The following MCM9 variants were observed in gnomAD, a reference collection of about 807,000 sequenced individuals.
MCM9 encodes DNA helicase MCM9.
MCM9 carries 55 observed loss-of-function variants against 72.8 expected under a neutral mutation model. The observed-to-expected ratio is 0.76, with a 90% CI of 0.61 to 0.95. MCM9 has a LOEUF of 0.95. Ranked by LOEUF, MCM9 falls within the 40% of genes least tolerant of loss-of-function variation. The pLI is 0.00. For synonymous variants in MCM9, 480 were observed against 503.4 expected (o/e 0.95, Z 0.62); for missense variants, 1,279 against 1,377.0 (o/e 0.93, Z 1.13).
intron 9 of MCM9, among the ~76,000 whole-genome samples, chr6:118,832,786 C>A (rs141233140): frequency 6.6e-6 from 1 of 152,150 alleles, no homozygotes; most frequent in Non-Finnish European, 1.5e-5. Flanking sequence ...ACTCCCTTTA[C>A]GGGATGATCC....
chr6:118,907,529 A>G (rs747014984), intron 8 of MCM9: 4 of 1,613,704 alleles, frequency 2.5e-6, no homozygotes, highest in Non-Finnish European at 3.4e-6. Flanking sequence ...CTTTCAACAG[A>G]TGCATTACCT....
intron 13 of MCM9, among the ~76,000 whole-genome samples, chr6:118,821,091 T>A (rs555727444): frequency 1.3e-5 from 2 of 152,332 alleles, no homozygotes; most frequent in African/African-American, 4.8e-5. Flanking sequence ...TGCCAGTCTG[T>A]GTCTTTTAAT....
chr6:118,856,649 T>C, intron 8 of MCM9, 104 bp from the exon 9 acceptor site: 3 of 1,236,384 alleles, frequency 2.4e-6, no homozygotes, highest in Non-Finnish European at 3.3e-6. Flanking sequence ...GAGGCTGAGG[T>C]GAGAAGATTT....
At chr6:118,911,020 A>C (rs1400583188) in intron 8 of MCM9, 45 of 984,854 alleles carry the variant, frequency 4.6e-5, no homozygotes, top group Non-Finnish European at 5.3e-5. Flanking sequence ...AAACTGTAAA[A>C]ATACAAAATA....
chr6:118,873,661 G>C (rs1777755844), intron 8 of MCM9, among the ~76,000 whole-genome samples: 1 of 152,104 alleles, frequency 6.6e-6, no homozygotes, highest in Non-Finnish European at 1.5e-5. Context: ...CAAAACACCA[G>C]GACCAGATGG....
At chr6:118,858,676 C>T (rs1313844303) in intron 8 of MCM9, among the ~76,000 whole-genome samples, 2 of 152,038 alleles carry the variant, frequency 1.3e-5, no homozygotes, top group African/African-American at 4.8e-5. Flanking sequence ...GGACACAAGT[C>T]AACATATGGA....
At chr6:118,907,553 G>C (rs925727394) in intron 8 of MCM9, 3 of 1,613,550 alleles carry the variant, frequency 1.9e-6, no homozygotes, top group Non-Finnish European at 2.5e-6. Flanking sequence ...GCATCAAAGG[G>C]ATGGTCCACA....
chr6:118,860,856 T>C (rs774526276), intron 8 of MCM9, among the ~76,000 whole-genome samples: 2 of 152,214 alleles, frequency 1.3e-5, no homozygotes, highest in African/African-American at 4.8e-5. Flanking sequence ...TTGTGCACTT[T>C]ATTTCTATTA....
At position 118,817,554 on chromosome 6, in the gene MCM9, A is replaced by T. The variant is rs138245959; in HGVS notation, c.1962-1260T>A. 1.8e-3 allele frequency among the ~76,000 whole-genome samples: 277 copies of T among 152,112 alleles called. 1 individual carries two copies. The highest frequency in any genetic ancestry group is 0.01 in the South Asian group (50 of 4,820). Reference sequence around the variant, plus strand: ...AGTGTATCATTGATGGGCACTTGGGATGGTTCCCAGTCTTTGCTATTGTAA... The same window carrying T: ...AGTGTATCATTGATGGGCACTTGGGTTGGTTCCCAGTCTTTGCTATTGTAA... On this transcript the variant is annotated intron_variant, in intron 13 of 13. Coordinates refer to ENST00000619706, the MANE Select transcript of MCM9 (RefSeq NM_017696.3).
rs1491488605 is a variant in MCM9 at position 118,843,672 on chromosome 6, ATG to A, written c.1325+12697_1325+12698del. Reference sequence around the variant, plus strand: ...TATATATATGTGTATATATATATGTATGTATATATATATGTGTATATATATAT... The same window carrying A: ...TATATATATGTGTATATATATATGTATATATATATATGTGTATATATATAT... On this transcript the variant is annotated intron_variant, in intron 9 of 13. Coordinates refer to ENST00000619706, the MANE Select transcript of MCM9 (RefSeq NM_017696.3). 2.4e-3 allele frequency among the ~76,000 whole-genome samples: 97 copies of A among 40,616 alleles called. 3 individuals carry two copies. The highest frequency in any genetic ancestry group is 3.8e-3 in the African/African-American group (48 of 12,684). 26.6% of individuals were successfully genotyped at this position (40,616 alleles called of 152,430 possible).
intron 8 of MCM9, among the ~76,000 whole-genome samples, chr6:118,872,678 C>T (rs1481665659): frequency 6.6e-6 from 1 of 151,816 alleles, no homozygotes; most frequent in African/African-American, 2.4e-5. Context: ...AAAAAACACA[C>T]ACACAACTTA....
chr6:118,891,351 G>A (rs1289612044), intron 8 of MCM9, among the ~76,000 whole-genome samples: 2 of 152,172 alleles, frequency 1.3e-5, no homozygotes, highest in African/African-American at 4.8e-5. Context: ...GCTTAATTCT[G>A]AGGGGAAAAA....
In MCM9 at chr6:118,931,727, G is replaced by C. The variant is rs1171657024; in HGVS notation, c.-4C>G. ...GTGTAACTTGATCGCTATTCATCTT[G>C]AATCTAGGTAACTAAAGAAAAAAAA... On this transcript the variant is annotated 5_prime_UTR_variant, in exon 3 of 14. Transcript: ENST00000619706. 11 of 1,588,496 alleles carry C rather than the reference G, an allele frequency of 6.9e-6. 1 individual carries two copies. The South Asian group carries it at 9.2e-5, about 13-fold the overall frequency.
At chr6:118,926,996 A>G (rs1477677543) in intron 3 of MCM9, among the ~76,000 whole-genome samples, 3 of 152,176 alleles carry the variant, frequency 2.0e-5, no homozygotes, top group African/African-American at 7.2e-5. Flanking sequence ...AGGAAGGTAA[A>G]AAGGAGAATA....
In MCM9 at chr6:118,907,268, C is replaced by T. The variant is rs1385564823; in HGVS notation, c.1150+4382G>A. ...TATTAGTTATATTTAAGGTACTTAA[C>T]TTGAATTATACCTTTGTATATGAAC... On this transcript the variant is annotated intron_variant, in intron 8 of 13. Coordinates refer to ENST00000619706, the MANE Select transcript of MCM9 (RefSeq NM_017696.3). 4.8e-6 allele frequency: 3 copies of T among 628,660 alleles called. No individual in the cohort carries two copies. The East Asian group carries it at 8.3e-5, about 17-fold the overall frequency. 38.9% of individuals were successfully genotyped at this position (628,660 alleles called of 1,614,324 possible). A position where few individuals can be genotyped will look rare whatever the true frequency, so the allele number is the denominator to read the frequency against.
chr6:118,845,505 CG>C (rs1775799300), intron 9 of MCM9, among the ~76,000 whole-genome samples: 3 of 151,668 alleles, frequency 2.0e-5, no homozygotes, highest in African/African-American at 7.3e-5. Context: ...ACTAAAAAAG[CG>C]GGGAGCTCTT....
chr6:118,816,207 T>C lies in MCM9; in HGVS notation c.2049A>G (p.Glu683=), dbSNP rs1429016822. ...TPGSLRNGPG[E]ESNFRTSSQQ... ...GTGATGAAGTTCTGAAGTTTGATTC[T>C]TCCCCTGGACCATTTCTCAAGGATC... The change falls in exon 14 of 14, where the codon GAA becomes GAG. Residue 683 remains glutamate, a synonymous_variant. Transcript: ENST00000619706. 6.4e-7 allele frequency: 1 copy of C among 1,550,442 alleles called. No individual in the cohort carries two copies. Among genetic ancestry groups the C allele is most frequent in the African/African-American group, 1.4e-5 (1 of 73,052 alleles).
chr6:118,839,334 T>C (rs1775194369), intron 9 of MCM9, among the ~76,000 whole-genome samples: 1 of 152,064 alleles, frequency 6.6e-6, no homozygotes. Flanking sequence ...CTAACCTTTT[T>C]TCAAGGTTCT....
intron 9 of MCM9, among the ~76,000 whole-genome samples, chr6:118,830,567 T>C (rs1305237163): frequency 1.3e-5 from 2 of 152,220 alleles, no homozygotes; most frequent in East Asian, 1.9e-4. Flanking sequence ...TAATTTGCCA[T>C]AGAACAATGT....
Sources: allele counts gnomAD v4.1 joint callset (sites outside exome capture counted in the v4.1 genomes callset), GRCh38; gene constraint gnomAD v4.1.1; transcripts MANE v1.5; gene names NCBI Gene and HGNC (gene_info 2026-07-23, HGNC 2026-07-21).